The following GNB2 variants were observed in gnomAD, a reference collection of about 807,000 sequenced individuals.
GNB2 encodes the protein guanine nucleotide-binding protein G(I)/G(S)/G(T) subunit beta-2.
GNB2 carries 7 observed loss-of-function variants against 40.7 expected under a neutral mutation model. The observed-to-expected ratio is 0.17, with a 90% confidence interval of 0.10 to 0.32. GNB2 has a LOEUF of 0.32. Among genes scored for constraint, GNB2 ranks in the 10% least tolerant of loss-of-function variants. The pLI, the probability that GNB2 is intolerant of heterozygous loss-of-function variation, is 1.00. For synonymous variants in GNB2, 254 were observed against 191.2 expected (o/e 1.33, Z -2.71); for missense variants, 286 against 473.0 (o/e 0.60, Z 3.67).
Position 100,678,309 on chromosome 7 carries a change from G to T in GNB2, c.699+10G>T, listed in dbSNP as rs1481783925. On this transcript the variant is annotated intron_variant, in intron 8 of 9. Coordinates refer to ENST00000303210, the MANE Select transcript of GNB2 (RefSeq NM_005273.4). ...CATCAATGCAGTGGCTGTGAGTTTT[G>T]GGGCGAGCTAGGCCAGGCCCTCCCC... The T allele has an allele frequency of 6.2e-7, 1 of 1,612,480 alleles. No homozygotes were observed. Among genetic ancestry groups the T allele is most frequent in the Non-Finnish European group, 8.5e-7 (1 of 1,179,168 alleles).
chr7:100,677,248 G>C, intron 4 of GNB2, 104 bp from the exon 5 acceptor site: 1 of 868,100 alleles, frequency 1.2e-6, no homozygotes. Flanking sequence ...CTGCACTCCA[G>C]CCTGCACAAC....
At position 100,676,326 on chromosome 7, in the gene GNB2, A is replaced by AGGGCCTGGTGC; in HGVS notation, c.57+8_57+18dup. Reference sequence around the variant, plus strand: ...GCAGCTCCGGAACCAGATCCGGGTGAGGGCCTGGTGCGGGGCGGGCGATTC... The same window carrying AGGGCCTGGTGC: ...GCAGCTCCGGAACCAGATCCGGGTGAGGGCCTGGTGCGGGCCTGGTGCGGGGCGGGCGATTC... On this transcript the variant is annotated splice_donor_region_variant and intron_variant, in intron 2 of 9. Coordinates refer to ENST00000303210, the MANE Select transcript of GNB2 (RefSeq NM_005273.4). The AGGGCCTGGTGC allele has an allele frequency of 6.2e-7, 1 of 1,602,584 alleles. No individual in the cohort carries two copies. The highest frequency in any genetic ancestry group is 2.2e-5 in the East Asian group (1 of 44,726).
chr7:100,677,464 T>C (rs747207222), intron 5 of GNB2, 34 bp from the exon 6 acceptor site: 17 of 1,612,946 alleles, frequency 1.1e-5, no homozygotes, highest in African/African-American at 2.7e-5. Flanking sequence ...GGGCCCTGGC[T>C]GGCTCTGACC....
At chr7:100,677,001 C>T (rs1040122753) in intron 4 of GNB2, 24 of 597,432 alleles carry the variant, frequency 4.0e-5, no homozygotes, top group African/African-American at 3.9e-4. Context: ...GAGACTGTCT[C>T]TCAGGTGGCT....
chr7:100,677,391 C>G lies in GNB2; in HGVS notation c.243C>G (p.Ile81Met). The G allele has an allele frequency of 6.2e-7, 1 of 1,613,954 alleles. No homozygotes were observed. The change falls in exon 5 of 10, where the codon ATC becomes ATG. Residue 81 changes from isoleucine to methionine, a missense_variant. Ile to Met is a conservative substitution (Grantham distance 10). Transcript: ENST00000303210. ...VSASQDGKLI[I>M]WDSYTTNKVH... is the part of the protein sequence containing the mutation. ...CCTCCCAGGATGGGAAGCTCATCAT[C>G]TGGGACAGCTACACCACCAACAAGG...
rs548239676 is a variant in GNB2, at chr7:100,678,864, G to A, written c.*63G>A. 86 of 1,259,774 alleles carry A rather than the reference G, an allele frequency of 6.8e-5. No homozygotes were observed. Among genetic ancestry groups the A allele is most frequent in the Admixed American group, 4.2e-4 (22 of 52,884 alleles). 78.0% of individuals were successfully genotyped at this position (1,259,774 alleles called of 1,614,324 possible). ...CTGCCCATGCCCACACTACAGGCCA[G>A]GGCTGCGGGGCTGGCGCAATCCCAG... On this transcript the variant is annotated 3_prime_UTR_variant, in exon 10 of 10. Coordinates refer to ENST00000303210, the MANE Select transcript of GNB2 (RefSeq NM_005273.4).
Position 100,677,403 on chromosome 7 carries a change from C to T in GNB2, c.255C>T (p.Tyr85=). Residue 85 remains tyrosine, a synonymous_variant, in exon 5 of 10, where the codon TAC becomes TAT. Coordinates refer to ENST00000303210, the MANE Select transcript of GNB2 (RefSeq NM_005273.4). The part of the protein sequence containing the change: ...QDGKLIIWDS[Y]TTNKVHAIPL... The stretch of plus-strand genomic sequence containing the variant: ...GGAAGCTCATCATCTGGGACAGCTA[C>T]ACCACCAACAAGGTAGGGTGGCGCG... 1 of 1,613,930 alleles carries T rather than the reference C, an allele frequency of 6.2e-7. No individual in the cohort carries two copies. Among genetic ancestry groups the T allele is most frequent in the Non-Finnish European group, 8.5e-7 (1 of 1,179,946 alleles).
chr7:100,678,102 C>T lies in GNB2; in HGVS notation c.502C>T (p.Leu168=). 1 of 1,610,958 alleles carries T rather than the reference C, an allele frequency of 6.2e-7. No homozygotes were observed. The highest frequency in any genetic ancestry group is 8.5e-7 in the Non-Finnish European group (1 of 1,177,096). The change falls in exon 8 of 10, where the codon CTG becomes TTG. Residue 168 remains leucine (L), a synonymous_variant. Transcript: ENST00000303210. ...ITSSGDTTCA[L]WDIETGQQTV... is the part of the protein sequence containing the mutation. The stretch of plus-strand genomic sequence containing the variant: ...TTCTTCCTGTCACCTCTCCAGTGCC[C>T]TGTGGGACATTGAGACAGGCCAGCA...
Position 100,676,201 on chromosome 7 carries a change from G to A in GNB2, c.-65G>A, listed in dbSNP as rs1308118062. 3.1e-6 allele frequency: 3 copies of A among 970,960 alleles called. No homozygotes were observed. The highest frequency in any genetic ancestry group is 4.7e-6 in the Non-Finnish European group (3 of 640,238). 60.1% of individuals were successfully genotyped at this position (970,960 alleles called of 1,614,324 possible). The stretch of plus-strand genomic sequence containing the variant: ...GGCCTCGGGCCAGCGGCCAGGAGCT[G>A]CCTCCCCCAGCCCCCGTCCCGCGGC... On this transcript the variant is annotated 5_prime_UTR_variant, in exon 2 of 10. Transcript: ENST00000303210.
Position 100,678,432 on chromosome 7 carries a change from C to G in GNB2, c.734C>G (p.Ser245Cys). The G allele has an allele frequency of 3.1e-6, 5 of 1,613,692 alleles. No homozygotes were observed. Among genetic ancestry groups the G allele is most frequent in the Non-Finnish European group, 4.2e-6 (5 of 1,179,986 alleles). Residue 245 changes from serine to cysteine, a missense_variant, in exon 9 of 10, where the codon TCT becomes TGT. Ser to Cys is a moderately radical substitution (Grantham distance 112). Transcript: ENST00000303210. The part of the protein sequence containing the change: ...FPNGYAFTTG[S>C]DDATCRLFDL... ...AACGGCTACGCCTTCACCACCGGCT[C>G]TGACGACGCCACGTGCCGCCTCTTC...
Position 100,678,237 on chromosome 7 carries a change from G to T in GNB2, c.637G>T (p.Val213Leu), listed in dbSNP as rs756394669. The change falls in exon 8 of 10, where the codon GTG (valine) becomes TTG (leucine). Residue 213 changes from valine to leucine, a missense_variant. Physicochemically the swap from Val to Leu is conservative, Grantham distance 32 (BLOSUM62 1). Coordinates refer to ENST00000303210, the MANE Select transcript of GNB2 (RefSeq NM_005273.4). ...ACDASIKLWDVRDSMCRQTFI... is the reference protein window; with the variant it reads ...ACDASIKLWDLRDSMCRQTFI... ...TGATGCCTCTATCAAGCTGTGGGAC[G>T]TGCGGGATTCCATGTGCCGACAGAC... 1 of 1,613,950 alleles carries T rather than the reference G, an allele frequency of 6.2e-7. No homozygotes were observed. The highest frequency in any genetic ancestry group is 1.7e-5 in the Admixed American group (1 of 60,026).
chr7:100,675,980 G>T (rs1172143550), intron 1 of GNB2, 197 bp from the exon 2 acceptor site: 2 of 435,632 alleles, frequency 4.6e-6, no homozygotes, highest in Non-Finnish European at 8.1e-6. Context: ...TTTCCGGGGG[G>T]CGGGAGGAAG....
intron 7 of GNB2, 109 bp downstream of exon 7, chr7:100,677,927 G>A (rs974373412): frequency 9.1e-7 from 1 of 1,104,334 alleles, no homozygotes; most frequent in Non-Finnish European, 1.3e-6. Context: ...CCCTCTCCTG[G>A]TGGGCGCTAA....
At position 100,673,893 on chromosome 7, in the gene GNB2, C is replaced by T. The variant is rs553231073; in HGVS notation, c.-120C>T. The stretch of plus-strand genomic sequence containing the variant: ...GACAGCGCCGCCCGCGCACCGCCAG[C>T]GACCTCCGCCGCAGAGTCCCACCGC... On this transcript the variant is annotated 5_prime_UTR_variant, in exon 1 of 10. Transcript: ENST00000303210. 1.1e-5 allele frequency: 2 copies of T among 180,208 alleles called. No homozygotes were observed. The highest frequency in any genetic ancestry group is 2.2e-5 in the Non-Finnish European group (2 of 89,698). 11.2% of individuals were successfully genotyped at this position (180,208 alleles called of 1,614,324 possible).
In GNB2 at chr7:100,675,151, G is replaced by C. The variant is rs1290290456; in HGVS notation, c.-89-1026G>C. The C allele has an allele frequency of 2.0e-5, 3 of 150,912 alleles. No homozygotes were observed. In the East Asian group the frequency reaches 5.9e-4, roughly 30 times the overall value. 9.3% of individuals were successfully genotyped at this position (150,912 alleles called of 1,614,324 possible). A position where few individuals can be genotyped will look rare whatever the true frequency, so the allele number is the denominator to read the frequency against. On this transcript the variant is annotated intron_variant, in intron 1 of 9. Transcript: ENST00000303210. ...GAGCCAGCCGGGCCCCTGGGGCCCG[G>C]GCGCCGAGCCTGCGGGCTGGGCCCC...
At position 100,676,525 on chromosome 7, in the gene GNB2, T is replaced by C; in HGVS notation, c.58-10T>C. On this transcript the variant is annotated splice_polypyrimidine_tract_variant and intron_variant, in intron 2 of 9. Transcript: ENST00000303210. ...CTCTCGCGTCTCTCTGGCTCTGCCA[T>C]CCCTTACAGGATGCCCGAAAAGCAT... The C allele has an allele frequency of 6.2e-7, 1 of 1,607,894 alleles. No homozygotes were observed. The highest frequency in any genetic ancestry group is 8.5e-7 in the Non-Finnish European group (1 of 1,174,350).
Position 100,678,885 on chromosome 7 carries a change from C to A in GNB2, c.*84C>A. 9.3e-7 allele frequency: 1 copy of A among 1,074,910 alleles called. No individual in the cohort carries two copies. Among genetic ancestry groups the A allele is most frequent in the Non-Finnish European group, 1.4e-6 (1 of 722,860 alleles). The allele number at this position is 1,074,910 out of a possible 1,614,324, so 66.6% of individuals were successfully genotyped here. On this transcript the variant is annotated 3_prime_UTR_variant, in exon 10 of 10. Transcript: ENST00000303210. ...GCCAGGGCTGCGGGGCTGGCGCAAT[C>A]CCAGCCCCCTTCCCCGGGCCACGGG...
rs150086689 is a variant in GNB2, at chr7:100,678,436, C to T, written c.738C>T (p.Asp246=). The change falls in exon 9 of 10, where the codon GAC becomes GAT. Residue 246 remains aspartate (D), a synonymous_variant. Coordinates refer to ENST00000303210, the MANE Select transcript of GNB2 (RefSeq NM_005273.4). ...GCTACGCCTTCACCACCGGCTCTGA[C>T]GACGCCACGTGCCGCCTCTTCGACC... The part of the protein sequence containing the change: ...PNGYAFTTGS[D]DATCRLFDLR... 3,215 of 1,613,658 alleles carry T rather than the reference C, an allele frequency of 2.0e-3. 50 individuals are homozygous for T. In the African/African-American group the frequency reaches 0.036, roughly 18 times the overall value.
chr7:100,675,935 T>G (rs1181384395), intron 1 of GNB2: 5 of 312,714 alleles, frequency 1.6e-5, no homozygotes, highest in African/African-American at 6.7e-5. Context: ...GAGGGAGGGG[T>G]TTCCCCTGCG....
Sources: gnomAD v4.1 joint callset for allele counts on GRCh38, gnomAD v4.1.1 for gene constraint, MANE v1.5 for transcripts, NCBI Gene and HGNC (gene_info 2026-07-23, HGNC 2026-07-21) for gene names.